Variants in PHF20 observed in about 807,000 individuals in gnomAD.
PHF20 encodes the protein PHD finger protein 20, also known as glioma-expressed antigen 2.
PHF20 carries 23 observed loss-of-function variants against 113.5 expected under a neutral mutation model. The observed-to-expected ratio is 0.20, with a 90% CI of 0.15 to 0.29. The LOEUF is 0.29. Ranked by LOEUF, PHF20 falls within the 10% of genes least tolerant of loss-of-function variation. The pLI is 1.00. For synonymous variants in PHF20, 434 were observed against 457.3 expected (o/e 0.95, Z 0.65); for missense variants, 943 against 1,219.6 (o/e 0.77, Z 3.38).
chr20:35,808,746 C>G (rs1323818753), intron 2 of PHF20, among the ~76,000 whole-genome samples: 3 of 151,040 alleles, frequency 2.0e-5, no homozygotes, highest in Non-Finnish European at 4.4e-5. Context: ...CTAATTTTTT[C>G]TATTTTTAGT....
At chr20:35,842,855 A>G (rs1039701537) in intron 3 of PHF20, 111 bp downstream of exon 3, 2 of 855,074 alleles carry the variant, frequency 2.3e-6, no homozygotes, top group African/African-American at 1.7e-5. Flanking sequence ...ATTTAGGCCT[A>G]TAGTTGTAAC....
At chr20:35,884,097 C>T (rs554652584) in intron 9 of PHF20, among the ~76,000 whole-genome samples, 93 of 152,114 alleles carry the variant, frequency 6.1e-4, no homozygotes, top group South Asian at 1.2e-3. Context: ...GAGTACAGGA[C>T]GATCCAGAAA....
chr20:35,815,250 C>T (rs1459622292), intron 2 of PHF20, among the ~76,000 whole-genome samples: 1 of 151,922 alleles, frequency 6.6e-6, no homozygotes, highest in Non-Finnish European at 1.5e-5. Flanking sequence ...AAAGAACTAA[C>T]ATAGAATATG....
At chr20:35,855,407 A>C (rs2042808422) in intron 4 of PHF20, 2 of 258,090 alleles carry the variant, frequency 7.7e-6, no homozygotes, top group Non-Finnish European at 1.4e-5. Flanking sequence ...GTTGTCATCT[A>C]ATTGCTGATG....
chr20:35,779,502 G>T lies in PHF20; in HGVS notation c.-33+7423G>T, dbSNP rs1181960404. Among the ~76,000 whole-genome samples the T allele has an allele frequency of 4.1e-5, 6 of 146,370 alleles. No individual in the cohort carries two copies. The South Asian group carries it at 1.3e-3, about 32-fold the overall frequency. On this transcript the variant is annotated intron_variant, in intron 1 of 17. Coordinates refer to ENST00000374012, the MANE Select transcript of PHF20 (RefSeq NM_016436.5). ...TCTCATATGGAAAAAGTCCATAGCT[G>T]GTGGATTGACATTCCTTTCTTTCTT... is the stretch of plus-strand genomic sequence containing the variant.
intron 2 of PHF20, among the ~76,000 whole-genome samples, chr20:35,822,935 T>C (rs2042195654): frequency 6.6e-6 from 1 of 151,140 alleles, no homozygotes; most frequent in Non-Finnish European, 1.5e-5. Flanking sequence ...TTCAACATCC[T>C]GCACCAGAGT....
intron 9 of PHF20, among the ~76,000 whole-genome samples, chr20:35,898,193 C>CAGACAAAGTATATTGTA (rs1415225778): frequency 6.6e-6 from 1 of 152,152 alleles, no homozygotes; most frequent in Non-Finnish European, 1.5e-5. Context: ...TCCTTTTGAT[C>CAGACAAAGTATATTGTA]AGACAAAGTA....
Position 35,871,695 on chromosome 20 carries a change from T to C in PHF20, c.1148T>C (p.Leu383Pro). ...ALEAGQVSSALTCHSFGDGSG... is the reference protein window; with the variant it reads ...ALEAGQVSSAPTCHSFGDGSG... ...GAAGCTGGCCAGGTCTCATCTGCAC[T>C]GACTTGCCACTCCTTTGGGGATGGA... is the stretch of plus-strand genomic sequence containing the variant. Residue 383 changes from leucine (L) to proline (P), a missense_variant, in exon 9 of 18, where the codon CTG (leucine) becomes CCG (proline). Physicochemically the swap from Leu to Pro is moderately conservative, Grantham distance 98. Transcript: ENST00000374012. 1 of 1,613,822 alleles carries C rather than the reference T, an allele frequency of 6.2e-7. No homozygotes were observed. The highest frequency in any genetic ancestry group is 1.1e-5 in the South Asian group (1 of 91,028).
intron 10 of PHF20, among the ~76,000 whole-genome samples, chr20:35,900,096 C>T (rs1462869432): frequency 2.0e-5 from 3 of 152,262 alleles, no homozygotes; most frequent in East Asian, 1.9e-4. Flanking sequence ...ATCTTAAGTG[C>T]AACTGAAGAT....
intron 1 of PHF20, among the ~76,000 whole-genome samples, chr20:35,787,341 A>G (rs933664676): frequency 1.4e-5 from 2 of 147,390 alleles, no homozygotes; most frequent in East Asian, 2.0e-4. Context: ...CACCATGCCC[A>G]GTTAATTTTG....
chr20:35,922,166 T>G (rs140216408), intron 13 of PHF20, among the ~76,000 whole-genome samples: 397 of 152,336 alleles, frequency 2.6e-3, no homozygotes, highest in African/African-American at 8.9e-3. Flanking sequence ...CTTCAGAGCT[T>G]CTTGGCTTTT....
chr20:35,853,145 C>T (rs1193636556), intron 4 of PHF20: 2 of 149,206 alleles, frequency 1.3e-5, no homozygotes, highest in African/African-American at 2.5e-5. Flanking sequence ...TCACTTGAAT[C>T]CAGGAGGCGG....
At chr20:35,847,050 C>T (rs187613532) in intron 3 of PHF20, among the ~76,000 whole-genome samples, 7 of 152,282 alleles carry the variant, frequency 4.6e-5, no homozygotes, top group Admixed American at 3.3e-4. Flanking sequence ...GAAGTCACTC[C>T]TGTGAGACAG....
intron 1 of PHF20, among the ~76,000 whole-genome samples, chr20:35,776,679 A>G (rs1224604169): frequency 6.6e-6 from 1 of 152,054 alleles, no homozygotes; most frequent in Non-Finnish European, 1.5e-5. Flanking sequence ...TGACTAGACT[A>G]TTTTGTGTCC....
At chr20:35,839,247 C>T (rs6121061) in intron 2 of PHF20, among the ~76,000 whole-genome samples, 1,831 of 151,130 alleles carry the variant, frequency 0.012, 26 homozygotes, top group African/African-American at 0.042. Context: ...AAAAATTAGC[C>T]GGGCGTGGTG....
At chr20:35,913,805 G>A (rs998242577) in intron 11 of PHF20, among the ~76,000 whole-genome samples, 1 of 152,148 alleles carries the variant, frequency 6.6e-6, no homozygotes, top group African/African-American at 2.4e-5. Flanking sequence ...TATTCTTGGT[G>A]TATCTTCTAG....
intron 5 of PHF20, among the ~76,000 whole-genome samples, chr20:35,862,033 G>A (rs1307194326): frequency 1.3e-5 from 2 of 152,152 alleles, no homozygotes; most frequent in African/African-American, 4.8e-5. Flanking sequence ...AGAGCTTTCA[G>A]ACCTGGCCTT....
At chr20:35,858,220 G>C (rs2042873541) in intron 4 of PHF20, 82 bp from the exon 5 acceptor site, 2 of 723,538 alleles carry the variant, frequency 2.8e-6, no homozygotes, top group Admixed American at 4.4e-5. Flanking sequence ...TGTGGTTGGA[G>C]ATCCCTTGTG....
At chr20:35,820,912 C>T (rs2042157269) in intron 2 of PHF20, among the ~76,000 whole-genome samples, 1 of 151,902 alleles carries the variant, frequency 6.6e-6, no homozygotes, top group Non-Finnish European at 1.5e-5. Context: ...GAGAGGGTTG[C>T]AGACAGAGGC....
Sources: gnomAD v4.1 joint callset for allele counts (sites outside exome capture counted in the v4.1 genomes callset) on GRCh38, gnomAD v4.1.1 for gene constraint, MANE v1.5 for transcripts, NCBI Gene and HGNC (gene_info 2026-07-23, HGNC 2026-07-21) for gene names.